INO80: variants seen among roughly 807,000 people sequenced by gnomAD.
INO80 encodes the protein INO80 complex ATPase subunit.
Under a neutral mutation model 203.4 loss-of-function variants are expected in INO80, and 20 were observed. The ratio of observed to expected loss-of-function variants is 0.10; its 90% confidence interval spans 0.07 to 0.14. The LOEUF is 0.14. INO80 is among the 10% of genes least tolerant of loss of function. INO80 has a pLI of 1.00. For synonymous variants in INO80, 726 were observed against 685.2 expected (o/e 1.06, Z -0.93); for missense variants, 1,419 against 1,914.4 (o/e 0.74, Z 4.83).
At chr15:41,038,896 ACTT>A (rs2140506446) in intron 24 of INO80, among the ~76,000 whole-genome samples, 1 of 152,256 alleles carries the variant, frequency 6.6e-6, no homozygotes, top group African/African-American at 2.4e-5. Context: ...CCAGAATACT[ACTT>A]CTCATGGCTT....
chr15:41,078,414 C>A (rs1253979290), intron 9 of INO80, among the ~76,000 whole-genome samples: 1 of 152,164 alleles, frequency 6.6e-6, no homozygotes, highest in Non-Finnish European at 1.5e-5. Flanking sequence ...ACTTCAAGAT[C>A]TGTGGCTAAC....
intron 6 of INO80, among the ~76,000 whole-genome samples, chr15:41,086,379 G>A (rs1464171677): frequency 2.0e-5 from 3 of 152,104 alleles, no homozygotes; most frequent in Non-Finnish European, 4.4e-5. Flanking sequence ...AGCCAGGTGC[G>A]ATGGCTCACG....
chr15:40,987,860 T>A lies in INO80; in HGVS notation c.3685A>T (p.Thr1229Ser). 1 of 1,614,198 alleles carries A rather than the reference T, an allele frequency of 6.2e-7. No homozygotes were observed. The highest frequency in any genetic ancestry group is 1.1e-5 in the South Asian group (1 of 91,088). ...CTTTGCAGAATGCGTTCTTCAATGG[T>A]GCCTTTACAGATGAGCCGGTACACA... ...VTVYRLICKG[T>S]IEERILQRAK... Residue 1229 changes from threonine to serine, a missense_variant, in exon 30 of 36, where the codon ACC becomes TCC. By Grantham distance (58) the Thr-to-Ser change is moderately conservative. Coordinates refer to ENST00000648947, the MANE Select transcript of INO80 (RefSeq NM_017553.3).
At chr15:41,057,384 C>T (rs1272545274) in intron 16 of INO80, among the ~76,000 whole-genome samples, 5 of 150,664 alleles carry the variant, frequency 3.3e-5, no homozygotes, top group East Asian at 2.0e-4. Context: ...ACAGGGAGGT[C>T]GAGGCTGCAG....
At chr15:41,087,824 T>C in intron 5 of INO80, 142 bp from the exon 6 acceptor site, 1 of 712,618 alleles carries the variant, frequency 1.4e-6, no homozygotes, top group East Asian at 2.9e-5. Context: ...ACATCTAGTA[T>C]ATCTAAGGGA....
chr15:41,048,568 C>T (rs747502722), intron 21 of INO80, among the ~76,000 whole-genome samples: 2 of 152,196 alleles, frequency 1.3e-5, no homozygotes, highest in South Asian at 2.1e-4. Flanking sequence ...AAAGGCAATA[C>T]AGCTCTGGCC....
chr15:41,057,817 A>AAAAAAAAAAG (rs1555403662), intron 16 of INO80, among the ~76,000 whole-genome samples: 13 of 138,608 alleles, frequency 9.4e-5, no homozygotes, highest in African/African-American at 4.1e-4. Context: ...AAAAAAAAAA[A>AAAAAAAAAAG]AAAGAAAGAA....
chr15:41,061,950 T>A (rs2045118405), intron 14 of INO80, among the ~76,000 whole-genome samples: 1 of 152,206 alleles, frequency 6.6e-6, no homozygotes, highest in Admixed American at 6.5e-5. Flanking sequence ...GTGGTTTTCT[T>A]TCTCCTTATC....
intron 28 of INO80, among the ~76,000 whole-genome samples, chr15:41,003,347 T>TTTTTG (rs2043992066): frequency 1.4e-5 from 2 of 142,622 alleles, no homozygotes; most frequent in Admixed American, 7.1e-5. Context: ...TTTTTTTTTT[T>TTTTTG]TGAGATGGAG....
intron 28 of INO80, among the ~76,000 whole-genome samples, chr15:41,000,736 A>AAAAGAAAAGAG (rs2043949260): frequency 1.3e-5 from 2 of 151,200 alleles, no homozygotes; most frequent in African/African-American, 4.8e-5. Flanking sequence ...AAAAAGAAAG[A>AAAAGAAAAGAG]AAAGAAAAGA....
intron 1 of INO80, among the ~76,000 whole-genome samples, chr15:41,098,858 A>C (rs956390722): frequency 6.6e-6 from 1 of 152,284 alleles, no homozygotes; most frequent in Middle Eastern, 3.4e-3. Flanking sequence ...TTTTACCAAC[A>C]AAGATGTATG....
chr15:41,055,481 TATGTGTGAATG>T, intron 17 of INO80, 117 bp from the exon 18 acceptor site: 1 of 440,912 alleles, frequency 2.3e-6, no homozygotes, highest in East Asian at 3.5e-5. Flanking sequence ...GATGCATGTG[TATGTGTGAATG>T]AAAGACAGAA....
chr15:40,983,460 A>G (rs1360589042), intron 34 of INO80, among the ~76,000 whole-genome samples: 2 of 152,214 alleles, frequency 1.3e-5, no homozygotes, highest in African/African-American at 4.8e-5. Context: ...GAGCTCCCCA[A>G]GAAATGGCAG....
chr15:40,996,126 A>AG (rs2043878101), intron 29 of INO80, among the ~76,000 whole-genome samples: 1 of 151,894 alleles, frequency 6.6e-6, no homozygotes, highest in Non-Finnish European at 1.5e-5. Context: ...TACCCTCATG[A>AG]GTTTGCTTTC....
At chr15:41,064,398 GAGAT>G (rs1241066971) in intron 14 of INO80, among the ~76,000 whole-genome samples, 2 of 152,106 alleles carry the variant, frequency 1.3e-5, no homozygotes, top group Non-Finnish European at 2.9e-5. Flanking sequence ...TTTTTTAAAA[GAGAT>G]AGGGTCTCGC....
In INO80 at chr15:41,103,941, C is replaced by T. The variant is rs116308967; in HGVS notation, c.-43-7588G>A. 8.4e-3 allele frequency among the ~76,000 whole-genome samples: 1,276 copies of T among 152,024 alleles called. 24 individuals are homozygous for T. Among genetic ancestry groups the T allele is most frequent in the African/African-American group, 0.028 (1,151 of 41,480 alleles). Reference sequence around the variant, plus strand: ...CTTTAAAATTCATCTGACTGCCAGGCGCAGTGGCTCACGCCTGTAATCCCA... The same window carrying T: ...CTTTAAAATTCATCTGACTGCCAGGTGCAGTGGCTCACGCCTGTAATCCCA... On this transcript the variant is annotated intron_variant, in intron 1 of 35. Transcript: ENST00000648947.
chr15:41,103,792 G>A (rs1402334560), intron 1 of INO80, among the ~76,000 whole-genome samples: 1 of 152,106 alleles, frequency 6.6e-6, no homozygotes, highest in Non-Finnish European at 1.5e-5. Flanking sequence ...TTTATCATCT[G>A]GTTTTGAGTT....
chr15:41,103,400 A>AT (rs2045836742), intron 1 of INO80, among the ~76,000 whole-genome samples: 1 of 151,738 alleles, frequency 6.6e-6, no homozygotes, highest in African/African-American at 2.4e-5. Context: ...CTTGTTTTAT[A>AT]TTTTTTTGAG....
chr15:41,007,948 T>G (rs978458313), intron 27 of INO80, among the ~76,000 whole-genome samples: 2 of 152,000 alleles, frequency 1.3e-5, no homozygotes, highest in African/African-American at 4.8e-5. Context: ...TCGAGGTGGG[T>G]GGATCACTTG....
Sources: allele counts gnomAD v4.1 joint callset (sites outside exome capture counted in the v4.1 genomes callset), GRCh38; gene constraint gnomAD v4.1.1; transcripts MANE v1.5; gene names NCBI Gene and HGNC (gene_info 2026-07-23, HGNC 2026-07-21).